MLLT3: variants seen among roughly 807,000 people sequenced by gnomAD.
MLLT3 encodes the protein MLLT3 super elongation complex subunit.
In MLLT3, 4 loss-of-function variants were observed where a neutral mutation model predicts 53.2. That is an observed-to-expected ratio of 0.08 (90% CI 0.04 to 0.17). The LOEUF is 0.17. MLLT3 is among the 10% of genes least tolerant of loss of function. MLLT3 has a pLI of 1.00. For missense variants in MLLT3, 569 were observed against 684.0 expected (o/e 0.83, Z 1.87); for synonymous variants, 283 against 230.6 (o/e 1.23, Z -2.06).
At chr9:20,393,280 C>T (rs532537350) in intron 5 of MLLT3, among the ~76,000 whole-genome samples, 1 of 152,284 alleles carries the variant, frequency 6.6e-6, no homozygotes, top group Non-Finnish European at 1.5e-5. Context: ...ACAGTCTTTT[C>T]CAAATGTTCC....
In MLLT3 at chr9:20,540,752, G is replaced by A. The variant is rs193213381; in HGVS notation, c.193+79902C>T. ...TAACCCTGGGGGCATTTTCCCTAATGTCTTGGCTATTAACATTTCACTCCT... is the reference window on the plus strand; with the variant it reads ...TAACCCTGGGGGCATTTTCCCTAATATCTTGGCTATTAACATTTCACTCCT... On this transcript the variant is annotated intron_variant, in intron 2 of 10. Transcript: ENST00000380338. Among the ~76,000 whole-genome samples, 341 of 152,308 alleles carry A rather than the reference G, an allele frequency of 2.2e-3. 1 individual carries two copies. The highest frequency in any genetic ancestry group is 7.8e-3 in the African/African-American group (324 of 41,564).
In MLLT3 at chr9:20,535,140, G is replaced by C. The variant is rs138351448; in HGVS notation, c.194-78354C>G. ...GGCAGGTGAGCTAGCGTTACCGCCT[G>C]AGCTCCACCTCCTCTCAGATCAGTG... is the stretch of plus-strand genomic sequence containing the variant. On this transcript the variant is annotated intron_variant, in intron 2 of 10. Transcript: ENST00000380338. 1.1e-3 allele frequency among the ~76,000 whole-genome samples: 164 copies of C among 152,252 alleles called. 2 individuals carry two copies. Among genetic ancestry groups the C allele is most frequent in the African/African-American group, 3.8e-3 (158 of 41,562 alleles).
chr9:20,596,427 C>T (rs920853739), intron 2 of MLLT3, among the ~76,000 whole-genome samples: 16 of 152,184 alleles, frequency 1.1e-4, no homozygotes, highest in African/African-American at 1.9e-4. Context: ...TGGTGGCACA[C>T]GCCTATAATC....
At chr9:20,388,001 A>C (rs1049366666) in intron 5 of MLLT3, among the ~76,000 whole-genome samples, 8 of 152,182 alleles carry the variant, frequency 5.3e-5, no homozygotes, top group Non-Finnish European at 2.9e-5. Context: ...AAAAATACCT[A>C]ATCAAATGAA....
Position 20,343,766 on chromosome 9 carries a change from T to C in MLLT3, c.*2677A>G, listed in dbSNP as rs1331720676. ...AGAAATTAAACCCTGCCATTTTCCC[T>C]TTGTGCTTAAGAAACCAGAGCCACT... On this transcript the variant is annotated 3_prime_UTR_variant, in exon 11 of 11. Transcript: ENST00000380338. 4.7e-6 allele frequency: 1 copy of C among 214,356 alleles called. No individual in the cohort carries two copies. Among genetic ancestry groups the C allele is most frequent in the Non-Finnish European group, 9.4e-6 (1 of 106,298 alleles). 13.3% of individuals were successfully genotyped at this position (214,356 alleles called of 1,614,324 possible). A position where few individuals can be genotyped will look rare whatever the true frequency, so the allele number is the denominator to read the frequency against.
intron 2 of MLLT3, among the ~76,000 whole-genome samples, chr9:20,569,111 G>A (rs570323699): frequency 6.6e-6 from 1 of 152,190 alleles, no homozygotes; most frequent in African/African-American, 2.4e-5. Flanking sequence ...TCACGACCAA[G>A]GGGAACAAAT....
Position 20,590,152 on chromosome 9 carries a change from T to C in MLLT3, c.193+30502A>G, listed in dbSNP as rs189233301. The stretch of plus-strand genomic sequence containing the variant: ...TTTCCTTTCACCAACCACTCTAACT[T>C]AGTAGGCTTCCAGAGCTGTAATTAC... On this transcript the variant is annotated intron_variant, in intron 2 of 10. Coordinates refer to ENST00000380338, the MANE Select transcript of MLLT3 (RefSeq NM_004529.4). Among the ~76,000 whole-genome samples, 39 of 152,278 alleles carry C rather than the reference T, an allele frequency of 2.6e-4. No homozygotes were observed. In the East Asian group the frequency reaches 7.3e-3, roughly 29 times the overall value.
chr9:20,398,980 T>C (rs1822390003), intron 5 of MLLT3, among the ~76,000 whole-genome samples: 1 of 152,158 alleles, frequency 6.6e-6, no homozygotes, highest in Admixed American at 6.6e-5. Flanking sequence ...CTGGCTTATG[T>C]ACTCCAACAC....
At chr9:20,388,691 C>T (rs914161373) in intron 5 of MLLT3, among the ~76,000 whole-genome samples, 1 of 152,038 alleles carries the variant, frequency 6.6e-6, no homozygotes, top group Non-Finnish European at 1.5e-5. Flanking sequence ...AAAAAACCAC[C>T]ATGATTCCAA....
chr9:20,489,408 T>C (rs1824892269), intron 2 of MLLT3, among the ~76,000 whole-genome samples: 1 of 152,210 alleles, frequency 6.6e-6, no homozygotes, highest in Non-Finnish European at 1.5e-5. Flanking sequence ...GTCTCTAATA[T>C]GTCTAACAAA....
chr9:20,471,402 G>A (rs1455062456), intron 2 of MLLT3, among the ~76,000 whole-genome samples: 1 of 151,942 alleles, frequency 6.6e-6, no homozygotes, highest in Non-Finnish European at 1.5e-5. Context: ...TGAGGTCTAG[G>A]TCTTCCACCT....
chr9:20,382,216 C>T (rs570019844), intron 5 of MLLT3, among the ~76,000 whole-genome samples: 1 of 151,922 alleles, frequency 6.6e-6, no homozygotes, highest in African/African-American at 2.4e-5. Flanking sequence ...ATCAAAACCT[C>T]CTGTGGCTTT....
At chr9:20,513,748 G>C (rs760647513) in intron 2 of MLLT3, among the ~76,000 whole-genome samples, 1 of 152,204 alleles carries the variant, frequency 6.6e-6, no homozygotes, top group Non-Finnish European at 1.5e-5. Flanking sequence ...CTGAGGAACC[G>C]GGAGGAGGCA....
chr9:20,577,911 G>A (rs566979729), intron 2 of MLLT3, among the ~76,000 whole-genome samples: 1 of 152,256 alleles, frequency 6.6e-6, no homozygotes, highest in African/African-American at 2.4e-5. Context: ...TATATTATTT[G>A]GGAATCATTC....
chr9:20,535,184 T>C (rs2119002253), intron 2 of MLLT3, among the ~76,000 whole-genome samples: 1 of 152,282 alleles, frequency 6.6e-6, no homozygotes, highest in African/African-American at 2.4e-5. Flanking sequence ...AGATTGTTTC[T>C]CATAGGAGTG....
rs1299315067 is a variant in MLLT3, at chr9:20,448,421, G to A, written c.277-155C>T. ...TACTGGGAAAAAAAAAAGTATCATG[G>A]AATCATCAGTGAAACAAAATAGAAA... On this transcript the variant is annotated intron_variant, in intron 3 of 10. Coordinates refer to ENST00000380338, the MANE Select transcript of MLLT3 (RefSeq NM_004529.4). The surrounding 1 kb of genome is among the most constrained non-coding windows in gnomAD (Gnocchi z 4.0). Among the ~76,000 whole-genome samples the A allele has an allele frequency of 6.6e-6, 1 of 152,046 alleles. No homozygotes were observed. Among genetic ancestry groups the A allele is most frequent in the Non-Finnish European group, 1.5e-5 (1 of 67,972 alleles).
At chr9:20,415,086 T>C (rs898747579) in intron 4 of MLLT3, among the ~76,000 whole-genome samples, 1 of 152,112 alleles carries the variant, frequency 6.6e-6, no homozygotes, top group Non-Finnish European at 1.5e-5. Context: ...AAATTTCAAA[T>C]GGCTTTGCAA....
chr9:20,420,782 G>A (rs1440899716), intron 4 of MLLT3, among the ~76,000 whole-genome samples: 1 of 152,094 alleles, frequency 6.6e-6, no homozygotes, highest in Non-Finnish European at 1.5e-5. Context: ...CGCCATGTTG[G>A]TGTGCTGCAC....
chr9:20,381,006 GA>G (rs1286002923), intron 5 of MLLT3, among the ~76,000 whole-genome samples: 2 of 152,010 alleles, frequency 1.3e-5, no homozygotes, highest in East Asian at 3.9e-4. Flanking sequence ...TAGCTTTAAA[GA>G]AACACTAAGG....
Sources: gnomAD v4.1 joint callset for allele counts (sites outside exome capture counted in the v4.1 genomes callset) on GRCh38, gnomAD v4.1.1 for gene constraint, Gnocchi (gnomAD v3.1) non-coding constraint, MANE v1.5 for transcripts, NCBI Gene and HGNC (gene_info 2026-07-23, HGNC 2026-07-21) for gene names.